Variants in TUB observed in about 807,000 individuals in gnomAD.
The protein encoded by TUB is TUB bipartite transcription factor.
Under a neutral mutation model 59.7 loss-of-function variants are expected in TUB, and 33 were observed. The observed-to-expected ratio is 0.55, with a 90% CI of 0.42 to 0.74. The LOEUF is 0.74. Among genes scored for constraint, TUB ranks in the 30% least tolerant of loss-of-function variants. The probability of loss-of-function intolerance (pLI) is 0.00; values close to 1 mark genes in which losing one functional copy is unlikely to be tolerated. For missense variants in TUB, 659 were observed against 672.0 expected, an observed-to-expected ratio of 0.98 and a Z score of 0.21; for synonymous variants, 293 against 256.4, an observed-to-expected ratio of 1.14 and a Z score of -1.36.
chr11:8,100,776 G>A, intron 10 of TUB, 50 bp from the exon 11 acceptor site: 1 of 1,605,778 alleles, frequency 6.2e-7, no homozygotes, highest in Middle Eastern at 1.7e-4. Context: ...TTCTGGGGTG[G>A]TCATGGTGCC....
At position 8,103,031 on chromosome 11, in the gene TUB, G is replaced by A. The variant is rs535570754; in HGVS notation, c.*1412G>A. 1 of 152,278 alleles carries A rather than the reference G, an allele frequency of 6.6e-6. No individual in the cohort carries two copies. The highest frequency in any genetic ancestry group is 2.4e-5 in the African/African-American group (1 of 41,464). The allele number at this position is 152,278 out of a possible 1,614,324, so 9.4% of individuals were successfully genotyped here. A position where few individuals can be genotyped will look rare whatever the true frequency, so the allele number is the denominator to read the frequency against. Reference sequence around the variant, plus strand: ...GAAATCAGGCAGTTCCCTGTTGAAAGTTGTCTGGCTTTTTGCACGTGAGTA... The same window carrying A: ...GAAATCAGGCAGTTCCCTGTTGAAAATTGTCTGGCTTTTTGCACGTGAGTA... On this transcript the variant is annotated 3_prime_UTR_variant, in exon 12 of 12. Coordinates refer to ENST00000299506, the MANE Select transcript of TUB (RefSeq NM_177972.3).
chr11:8,085,703 G>A (rs770006941), intron 1 of TUB, among the ~76,000 whole-genome samples: 4 of 152,214 alleles, frequency 2.6e-5, no homozygotes, highest in Non-Finnish European at 5.9e-5. Context: ...GTGGCCAGAG[G>A]GTTGGGTCTG....
intron 5 of TUB, among the ~76,000 whole-genome samples, chr11:8,096,304 C>T (rs1943989536): frequency 6.6e-6 from 1 of 152,172 alleles, no homozygotes; most frequent in South Asian, 2.1e-4. Flanking sequence ...TCTAATAGGC[C>T]TGAGGTCAGA....
chr11:8,032,433 G>C (rs571066824), intron 1 of TUB, among the ~76,000 whole-genome samples: 1 of 152,182 alleles, frequency 6.6e-6, no homozygotes, highest in Admixed American at 6.5e-5. Flanking sequence ...GTTTGGATTG[G>C]ATCAGTGAGC....
chr11:8,095,536 G>C lies in TUB; in HGVS notation c.436G>C (p.Glu146Gln). 1 of 1,612,970 alleles carries C rather than the reference G, an allele frequency of 6.2e-7. No individual in the cohort carries two copies. Among genetic ancestry groups the C allele is most frequent in the Non-Finnish European group, 8.5e-7 (1 of 1,179,880 alleles). Residue 146 changes from glutamate (E) to glutamine (Q), a missense_variant, in exon 5 of 12, where the codon GAG becomes CAG. Glu to Gln is a conservative substitution (Grantham distance 29). This residue lies in a region of TUB where 321 missense variants were observed against 304.3 expected (regional missense o/e 1.05). Transcript: ENST00000299506. ...AGCAGCACTGGCAGAAGACAAGTCT[G>C]AGGCCCAAGGCCCAGTGCAGATTCT... ...GPAALAEDKSEAQGPVQILTV... is the reference protein window; with the variant it reads ...GPAALAEDKSQAQGPVQILTV...
Position 8,029,577 on chromosome 11 carries a change from C to T in TUB, c.56+10219C>T, listed in dbSNP as rs193210574. On this transcript the variant is annotated intron_variant, in intron 1 of 11. Transcript: ENST00000534099. ...CTAATCTTTGTATTTTTGGTATTGA[C>T]GAGTTTTCACCAATTTGGTCAGGCT... 1.5e-3 allele frequency among the ~76,000 whole-genome samples: 221 copies of T among 151,998 alleles called. 1 individual carries two copies. The highest frequency in any genetic ancestry group is 4.9e-3 in the African/African-American group (205 of 41,458).
chr11:8,100,754 GGATA>G lies in TUB; in HGVS notation c.1216-68_1216-65del, dbSNP rs1460490608. ...GGAAATCCAAGGACCCCCATTCCCG[GGATA>G]GATCCCTTTCTGGGGTGGTCATGGT... is the stretch of plus-strand genomic sequence containing the variant. On this transcript the variant is annotated intron_variant, in intron 10 of 11. Coordinates refer to ENST00000299506, the MANE Select transcript of TUB (RefSeq NM_177972.3). 5.6e-6 allele frequency: 9 copies of G among 1,593,358 alleles called. No homozygotes were observed. In the African/African-American group the frequency reaches 6.7e-5, roughly 12 times the overall value.
chr11:8,043,558 A>G (rs930301579), intron 2 of TUB, among the ~76,000 whole-genome samples: 5 of 152,200 alleles, frequency 3.3e-5, no homozygotes, highest in African/African-American at 4.8e-5. Context: ...CCATAAATAC[A>G]GGATGTCTTC....
chr11:8,038,532 C>A, upstream of TUB: 1 of 945,814 alleles, frequency 1.1e-6, no homozygotes, highest in Non-Finnish European at 1.3e-6. Flanking sequence ...CTTGTCTCTG[C>A]CTGGGTTGCT....
upstream of TUB, among the ~76,000 whole-genome samples, chr11:8,081,036 C>G (rs1056873603): frequency 2.0e-5 from 3 of 151,954 alleles, no homozygotes; most frequent in African/African-American, 7.2e-5. Flanking sequence ...GCAGCGCCGC[C>G]GTTAGCCGAA....
Position 8,101,003 on chromosome 11 carries a change from T to C in TUB, c.1387+6T>C. 1 of 1,614,022 alleles carries C rather than the reference T, an allele frequency of 6.2e-7. No individual in the cohort carries two copies. The highest frequency in any genetic ancestry group is 8.5e-7 in the Non-Finnish European group (1 of 1,179,980). On this transcript the variant is annotated splice_donor_region_variant and intron_variant, in intron 11 of 11. Transcript: ENST00000299506. ...GATCATCCATGGCAATGACCGTGAGTGTTTCTGTCCCTACTCATTATGGTC... is the reference window on the plus strand; with the variant it reads ...GATCATCCATGGCAATGACCGTGAGCGTTTCTGTCCCTACTCATTATGGTC...
chr11:8,093,910 T>C (rs1439867116), intron 3 of TUB, 136 bp from the exon 4 acceptor site: 60 of 976,948 alleles, frequency 6.1e-5, no homozygotes, highest in Middle Eastern at 5.2e-4. Context: ...CTGTGGGCTG[T>C]AGAAGTGGTA....
intron 7 of TUB, 56 bp from the exon 8 acceptor site, chr11:8,097,658 G>A: frequency 1.3e-6 from 2 of 1,490,530 alleles, no homozygotes; most frequent in East Asian, 4.5e-5. Context: ...TGGCTCTCAT[G>A]ACTGTGTGCA....
At chr11:8,096,577 G>T in intron 5 of TUB, 108 bp from the exon 6 acceptor site, 7 of 762,958 alleles carry the variant, frequency 9.2e-6, no homozygotes, top group Non-Finnish European at 1.7e-5. Flanking sequence ...ATAAGTTTGT[G>T]GGGGTACAGG....
chr11:8,034,974 G>A (rs1207834263), upstream of TUB, among the ~76,000 whole-genome samples: 1 of 152,186 alleles, frequency 6.6e-6, no homozygotes, highest in African/African-American at 2.4e-5. Context: ...GGACAGATGG[G>A]AACCCATGTC....
chr11:8,096,221 C>T (rs557669792), intron 5 of TUB, among the ~76,000 whole-genome samples: 1 of 152,292 alleles, frequency 6.6e-6, no homozygotes, highest in South Asian at 2.1e-4. Flanking sequence ...CAGTGGGTCC[C>T]CTCCACATTG....
At chr11:8,042,038 G>C (rs945262646) in intron 2 of TUB, among the ~76,000 whole-genome samples, 14 of 152,136 alleles carry the variant, frequency 9.2e-5, no homozygotes, top group African/African-American at 3.4e-4. Flanking sequence ...ACAGTTCAAT[G>C]GTTTTAAGTT....
chr11:8,044,382 A>T (rs891148540), intron 2 of TUB, among the ~76,000 whole-genome samples: 19 of 152,100 alleles, frequency 1.2e-4, no homozygotes, highest in African/African-American at 4.1e-4. Flanking sequence ...TTGAAGCTTG[A>T]CTTGCATCTT....
chr11:8,090,773 C>G (rs1943756294), intron 3 of TUB, among the ~76,000 whole-genome samples: 1 of 152,106 alleles, frequency 6.6e-6, no homozygotes. Flanking sequence ...CAGGTCTCGG[C>G]AGAGCCCAGT....
Sources: allele counts gnomAD v4.1 joint callset (sites outside exome capture counted in the v4.1 genomes callset), GRCh38; gene constraint gnomAD v4.1.1; regional missense constraint gnomAD v4.1.1; transcripts MANE v1.5; gene names NCBI Gene and HGNC (gene_info 2026-07-23, HGNC 2026-07-21).